The following ETS2 variants were observed in gnomAD, a reference collection of about 807,000 sequenced individuals.
ETS2 encodes the protein protein C-ets-2.
ETS2 carries 19 observed loss-of-function variants against 54.9 expected under a neutral mutation model. The observed-to-expected ratio is 0.35, with a 90% CI of 0.24 to 0.51. ETS2 has a LOEUF of 0.51. ETS2 is among the 20% of genes least tolerant of loss of function. The pLI, the probability that ETS2 is intolerant of heterozygous loss-of-function variation, is 0.97. For missense variants in ETS2, 417 were observed against 593.0 expected, an observed-to-expected ratio of 0.70 and a Z score of 3.08; for synonymous variants, 219 against 229.3, an observed-to-expected ratio of 0.95 and a Z score of 0.41.
In ETS2 at chr21:38,814,009, G is replaced by A. The variant is rs1036092219; in HGVS notation, c.185-264G>A. Among the ~76,000 whole-genome samples, 4 of 152,152 alleles carry A rather than the reference G, an allele frequency of 2.6e-5. No individual in the cohort carries two copies. Among genetic ancestry groups the A allele is most frequent in the African/African-American group, 4.8e-5 (2 of 41,424 alleles). On this transcript the variant is annotated intron_variant, in intron 3 of 9. Transcript: ENST00000360938. The surrounding 1 kb of genome is among the most constrained non-coding windows in gnomAD (Gnocchi z 4.2). ...AAATAGACTTAGCAGTTTTCCCTAC[G>A]CACAACTGCTTTGTGACGCTTTGCA...
intron 8 of ETS2, among the ~76,000 whole-genome samples, chr21:38,820,593 T>C (rs1413792207): frequency 6.6e-6 from 1 of 152,234 alleles, no homozygotes; most frequent in Non-Finnish European, 1.5e-5. Flanking sequence ...TTTCTGTTTA[T>C]TGACTGCCAA....
Position 38,824,339 on chromosome 21 carries a change from G to A in ETS2, c.*1450G>A, listed in dbSNP as rs1244634693. 3.9e-5 allele frequency: 6 copies of A among 152,162 alleles called. No individual in the cohort carries two copies. Among genetic ancestry groups the A allele is most frequent in the Non-Finnish European group, 7.3e-5 (5 of 68,046 alleles). 9.4% of individuals were successfully genotyped at this position (152,162 alleles called of 1,614,324 possible). A position where few individuals can be genotyped will look rare whatever the true frequency, so the allele number is the denominator to read the frequency against. On this transcript the variant is annotated 3_prime_UTR_variant, in exon 10 of 10. Coordinates refer to ENST00000360938, the MANE Select transcript of ETS2 (RefSeq NM_005239.6). ...CTTAAGATGGGAAAGAGAAAGCATC[G>A]GAGCCATTCATTCGGAGAAAACGTT...
chr21:38,815,141 G>T (rs2060928083), intron 5 of ETS2, among the ~76,000 whole-genome samples, 160 bp downstream of exon 5: 1 of 151,904 alleles, frequency 6.6e-6, no homozygotes, highest in Non-Finnish European at 1.5e-5. Flanking sequence ...CAGATATATG[G>T]CAGTGATTAT....
At chr21:38,810,562 T>G (rs1469962770) in intron 2 of ETS2, among the ~76,000 whole-genome samples, 3 of 152,228 alleles carry the variant, frequency 2.0e-5, no homozygotes, top group Non-Finnish European at 4.4e-5. Flanking sequence ...AGCCTGTTAC[T>G]GGCTCAGAGA....
rs1169263722 is a variant in ETS2, at chr21:38,823,802, T to C, written c.*913T>C. 1 of 152,650 alleles carries C rather than the reference T, an allele frequency of 6.6e-6. No homozygotes were observed. The highest frequency in any genetic ancestry group is 1.5e-5 in the Non-Finnish European group (1 of 68,030). The allele number at this position is 152,650 out of a possible 1,614,324, so 9.5% of individuals were successfully genotyped here. A position where few individuals can be genotyped will look rare whatever the true frequency, so the allele number is the denominator to read the frequency against. On this transcript the variant is annotated 3_prime_UTR_variant, in exon 10 of 10. Transcript: ENST00000360938. ...ATAAAGCAGTATTTTTCTTGACAAA[T>C]GGCATATGTTTTCCACTTCTTTGCA...
chr21:38,817,099 C>A lies in ETS2; in HGVS notation c.589+8C>A. Reference sequence around the variant, plus strand: ...TTAACAGCAATACATTAGGTCAGTCCGATTGATTCTGCCCTTAAGAACTTT... The same window carrying A: ...TTAACAGCAATACATTAGGTCAGTCAGATTGATTCTGCCCTTAAGAACTTT... On this transcript the variant is annotated splice_region_variant and intron_variant, in intron 6 of 9. Coordinates refer to ENST00000360938, the MANE Select transcript of ETS2 (RefSeq NM_005239.6). The A allele has an allele frequency of 6.4e-7, 1 of 1,563,418 alleles. No individual in the cohort carries two copies. The highest frequency in any genetic ancestry group is 8.8e-7 in the Non-Finnish European group (1 of 1,134,428).
intron 5 of ETS2, among the ~76,000 whole-genome samples, chr21:38,815,196 G>GTA (rs2060928554): frequency 7.3e-6 from 1 of 136,712 alleles, no homozygotes; most frequent in African/African-American, 2.6e-5. Flanking sequence ...GTGTGTGTGT[G>GTA]TGTGTGTATA....
At chr21:38,815,125 G>A (rs1202489985) in intron 5 of ETS2, 144 bp downstream of exon 5, 2 of 704,076 alleles carry the variant, frequency 2.8e-6, no homozygotes, top group Non-Finnish European at 4.9e-6. Context: ...TGCCACTCAA[G>A]TGAGTCAGAT....
chr21:38,812,984 T>C lies in ETS2; in HGVS notation c.73-19T>C. 6.4e-7 allele frequency: 1 copy of C among 1,551,956 alleles called. No homozygotes were observed. Among genetic ancestry groups the C allele is most frequent in the East Asian group, 2.2e-5 (1 of 44,560 alleles). On this transcript the variant is annotated intron_variant, in intron 2 of 9. Transcript: ENST00000360938. The stretch of plus-strand genomic sequence containing the variant: ...GTTTAAATATTGTATTTCCATTTTT[T>C]TTCCATCTGTTTTTGCAGCGCCAGC...
chr21:38,815,120 C>A, intron 5 of ETS2, 139 bp downstream of exon 5: 1 of 724,482 alleles, frequency 1.4e-6, no homozygotes, highest in South Asian at 1.7e-5. Flanking sequence ...CAAAATGCCA[C>A]TCAAGTGAGT....
intron 2 of ETS2, among the ~76,000 whole-genome samples, chr21:38,812,026 G>A (rs2060915710): frequency 6.6e-6 from 1 of 152,196 alleles, no homozygotes; most frequent in African/African-American, 2.4e-5. Context: ...TGGGGGCGGG[G>A]AGGGGGTTCA....
At position 38,824,740 on chromosome 21, in the gene ETS2, G is replaced by A. The variant is rs1200981985; in HGVS notation, c.*1851G>A. The A allele has an allele frequency of 6.6e-6, 1 of 152,572 alleles. No homozygotes were observed. The highest frequency in any genetic ancestry group is 2.4e-5 in the African/African-American group (1 of 41,414). The allele number at this position is 152,572 out of a possible 1,614,324, so 9.5% of individuals were successfully genotyped here. On this transcript the variant is annotated 3_prime_UTR_variant, in exon 10 of 10. Coordinates refer to ENST00000360938, the MANE Select transcript of ETS2 (RefSeq NM_005239.6). ...CATCTTGCTGCCAAAAGAATCCTAG[G>A]CAGTGGCTCATTGTATGTGAGGTTG...
At chr21:38,815,802 TAG>T (rs2123416578) in intron 5 of ETS2, among the ~76,000 whole-genome samples, 1 of 150,314 alleles carries the variant, frequency 6.7e-6, no homozygotes, top group South Asian at 2.1e-4. Flanking sequence ...TAGCTGGGCA[TAG>T]TGGCACATGC....
chr21:38,816,113 GAAAT>G (rs1382598639), intron 5 of ETS2, among the ~76,000 whole-genome samples: 1 of 102,744 alleles, frequency 9.7e-6, no homozygotes, highest in African/African-American at 3.3e-5. Flanking sequence ...GGGAGGGAAA[GAAAT>G]AAAATACAGT....
intron 1 of ETS2, among the ~76,000 whole-genome samples, chr21:38,808,882 G>T (rs2060903725): frequency 1.3e-5 from 2 of 152,200 alleles, no homozygotes; most frequent in South Asian, 4.1e-4. Flanking sequence ...CCATGAACCT[G>T]GGAGGGCAAG....
chr21:38,806,253 G>A lies in ETS2; in HGVS notation c.-1+133G>A, dbSNP rs2060892484. On this transcript the variant is annotated intron_variant, in intron 1 of 9. Transcript: ENST00000360938. The surrounding 1 kb of genome is among the most constrained non-coding windows in gnomAD (Gnocchi z 4.3). ...GGCGCTGCCGGGGGTGCAGGTGGGG[G>A]TGGCGGCTGCTGCGAGGACTCTAGG... 3.1e-6 allele frequency: 3 copies of A among 971,346 alleles called. No homozygotes were observed. Among genetic ancestry groups the A allele is most frequent in the Non-Finnish European group, 3.7e-6 (3 of 815,774 alleles). The allele number at this position is 971,346 out of a possible 1,614,324, so 60.2% of individuals were successfully genotyped here.
rs1203693149 is a variant in ETS2, at chr21:38,814,941, G to A, written c.465G>A (p.Val155=). The change falls in exon 5 of 10, where the codon GTG becomes GTA. Residue 155 remains valine (V), a synonymous_variant. Transcript: ENST00000360938. The surrounding 1 kb of genome is among the most constrained non-coding windows in gnomAD (Gnocchi z 4.2). ...TTCTGGAGCTGGCACCTGACTTTGT[G>A]GGTGACATTCTCTGGGAACATCTGG... The part of the protein sequence containing the change: ...ERFLELAPDF[V]GDILWEHLEQ... 3.1e-6 allele frequency: 5 copies of A among 1,613,984 alleles called. No homozygotes were observed. In the African/African-American group the frequency reaches 6.7e-5, roughly 22 times the overall value.
rs1394358581 is a variant in ETS2 at position 38,821,785 on chromosome 21, CA to C, written c.1194+87del. 5.1e-6 allele frequency: 5 copies of C among 976,848 alleles called. No individual in the cohort carries two copies. Among genetic ancestry groups the C allele is most frequent in the Non-Finnish European group, 8.1e-6 (5 of 618,986 alleles). 60.5% of individuals were successfully genotyped at this position (976,848 alleles called of 1,614,324 possible). On this transcript the variant is annotated intron_variant, in intron 9 of 9. Coordinates refer to ENST00000360938, the MANE Select transcript of ETS2 (RefSeq NM_005239.6). The surrounding 1 kb of genome is among the most constrained non-coding windows in gnomAD (Gnocchi z 4.2). ...ATTCAAAAACTCAGTTCTTTGGGCACAAAAAAGGGTTCACCAGTACTGCTGA... is the reference window on the plus strand; with the variant it reads ...ATTCAAAAACTCAGTTCTTTGGGCACAAAAAGGGTTCACCAGTACTGCTGA...
At position 38,821,769 on chromosome 21, in the gene ETS2, C is replaced by G. The variant is rs907213809; in HGVS notation, c.1194+65C>G. The G allele has an allele frequency of 6.6e-6, 8 of 1,216,262 alleles. No homozygotes were observed. The highest frequency in any genetic ancestry group is 1.7e-5 in the Admixed American group (1 of 58,088). 75.3% of individuals were successfully genotyped at this position (1,216,262 alleles called of 1,614,324 possible). A position where few individuals can be genotyped will look rare whatever the true frequency, so the allele number is the denominator to read the frequency against. On this transcript the variant is annotated intron_variant, in intron 9 of 9. Coordinates refer to ENST00000360938, the MANE Select transcript of ETS2 (RefSeq NM_005239.6). The surrounding 1 kb of genome is among the most constrained non-coding windows in gnomAD (Gnocchi z 4.2). ...CTGATTTCCTGCTTGCATTCAAAAA[C>G]TCAGTTCTTTGGGCACAAAAAAGGG...
Sources: allele counts gnomAD v4.1 joint callset (sites outside exome capture counted in the v4.1 genomes callset), GRCh38; gene constraint gnomAD v4.1.1; non-coding constraint Gnocchi (gnomAD v3.1); transcripts MANE v1.5; gene names NCBI Gene and HGNC (gene_info 2026-07-23, HGNC 2026-07-21).